KCNQ3: variants seen among roughly 807,000 people sequenced by gnomAD.
KCNQ3 encodes the protein potassium voltage-gated channel subfamily KQT member 3.
A neutral mutation model predicts 92.5 loss-of-function variants in KCNQ3; 30 were observed. That is an observed-to-expected ratio of 0.32 (90% CI 0.24 to 0.44). The LOEUF is 0.44. KCNQ3 is among the 20% of genes least tolerant of loss of function. The pLI is 1.00. For missense variants in KCNQ3, 913 were observed against 1,140.3 expected (o/e 0.80, Z 2.87); for synonymous variants, 450 against 468.8 (o/e 0.96, Z 0.52).
chr8:132,450,619 G>T (rs1821798380), intron 1 of KCNQ3, among the ~76,000 whole-genome samples: 1 of 152,192 alleles, frequency 6.6e-6, no homozygotes, highest in Admixed American at 6.5e-5. Context: ...AATGGTTTCT[G>T]AAGATGAAGT....
rs117729064 is a variant in KCNQ3 at position 132,365,127 on chromosome 8, T to C, written c.386+115020A>G. 6.4e-3 allele frequency among the ~76,000 whole-genome samples: 978 copies of C among 152,332 alleles called. 10 individuals are homozygous for C. Among genetic ancestry groups the C allele is most frequent in the Middle Eastern group, 0.02 (6 of 294 alleles). ...GTTTATTCAATTTCACACCATTTAA[T>C]ATTCATTCCTTTTTACACCCAGAGT... is the stretch of plus-strand genomic sequence containing the variant. On this transcript the variant is annotated intron_variant, in intron 1 of 14. Coordinates refer to ENST00000388996, the MANE Select transcript of KCNQ3 (RefSeq NM_004519.4).
At chr8:132,175,715 C>CTG in intron 4 of KCNQ3, 107 bp from the exon 5 acceptor site, 1 of 1,057,486 alleles carries the variant, frequency 9.5e-7, no homozygotes, top group East Asian at 2.6e-5. Context: ...AGCTCTGTGA[C>CTG]TGTGGTCAAA....
intron 1 of KCNQ3, among the ~76,000 whole-genome samples, chr8:132,432,177 A>G (rs981223415): frequency 2.6e-5 from 4 of 152,172 alleles, no homozygotes; most frequent in Non-Finnish European, 5.9e-5. Context: ...ACTTGTCATC[A>G]TATCAGCAGC....
chr8:132,458,911 C>G (rs535645545), intron 1 of KCNQ3, among the ~76,000 whole-genome samples: 1 of 152,176 alleles, frequency 6.6e-6, no homozygotes, highest in East Asian at 1.9e-4. Flanking sequence ...AACTAAAGTC[C>G]ATACTTTATT....
At chr8:132,296,147 C>T (rs1464214163) in intron 1 of KCNQ3, among the ~76,000 whole-genome samples, 1 of 152,120 alleles carries the variant, frequency 6.6e-6, no homozygotes, top group Non-Finnish European at 1.5e-5. Flanking sequence ...ATTTGAATGC[C>T]ACATGTGGCC....
At chr8:132,149,214 A>G (rs2130957753) in intron 9 of KCNQ3, among the ~76,000 whole-genome samples, 1 of 152,338 alleles carries the variant, frequency 6.6e-6, no homozygotes, top group African/African-American at 2.4e-5. Context: ...GGTCCCAGGG[A>G]ATCTCTAACA....
chr8:132,357,352 T>C (rs540622523), intron 1 of KCNQ3, among the ~76,000 whole-genome samples: 33 of 152,328 alleles, frequency 2.2e-4, no homozygotes, highest in African/African-American at 7.5e-4. Context: ...GGGTGTGCTG[T>C]GGAGAACAGG....
intron 1 of KCNQ3, among the ~76,000 whole-genome samples, chr8:132,333,769 TG>T (rs1201420331): frequency 6.6e-6 from 1 of 151,824 alleles, no homozygotes; most frequent in African/African-American, 2.4e-5. Context: ...AGTCTTGCTC[TG>T]TCACCAAGGC....
Position 132,175,472 on chromosome 8 carries a change from T to C in KCNQ3, c.914A>G (p.Asp305Gly), listed in dbSNP as rs118192248. ...ACTCACCAGGCCCCACCACAGGGCATCTGCATAGGTCTCAAACTCCTCTTT... is the reference window on the plus strand; with the variant it reads ...ACTCACCAGGCCCCACCACAGGGCACCTGCATAGGTCTCAAACTCCTCTTT... Reference protein sequence around the residue: ...EMKEEFETYADALWWGLITLA... With the variant: ...EMKEEFETYAGALWWGLITLA... The change falls in exon 5 of 15, where the codon GAT becomes GGT. Residue 305 changes from aspartate (D) to glycine (G), a missense_variant. Coordinates refer to ENST00000388996, the MANE Select transcript of KCNQ3 (RefSeq NM_004519.4). The C allele has an allele frequency of 6.2e-7, 1 of 1,614,068 alleles. No homozygotes were observed. The highest frequency in any genetic ancestry group is 1.3e-5 in the African/African-American group (1 of 74,936).
At chr8:132,269,213 T>G (rs188984560) in intron 1 of KCNQ3, among the ~76,000 whole-genome samples, 3,829 of 152,350 alleles carry the variant, frequency 0.025, 55 homozygotes, top group Non-Finnish European at 0.032. Flanking sequence ...TGTTTCATTT[T>G]AATGAAGTCC....
chr8:132,352,562 A>C lies in KCNQ3; in HGVS notation c.386+127585T>G, dbSNP rs1386208549. On this transcript the variant is annotated intron_variant, in intron 1 of 14. Transcript: ENST00000388996. ...AGAGGTTGCCTGTGGGCACCCTGGC[A>C]CCACAGTGCTTGCAGGGAGGTGTTC... 2.0e-5 allele frequency among the ~76,000 whole-genome samples: 3 copies of C among 152,192 alleles called. No homozygotes were observed. The East Asian group carries it at 5.8e-4, about 29-fold the overall frequency.
chr8:132,158,337 C>G (rs913478168), intron 9 of KCNQ3, among the ~76,000 whole-genome samples: 4 of 152,182 alleles, frequency 2.6e-5, no homozygotes, highest in Non-Finnish European at 4.4e-5. Context: ...TTGTTCATGA[C>G]TCTGTGAGAT....
At chr8:132,319,125 G>A (rs1185565503) in intron 1 of KCNQ3, among the ~76,000 whole-genome samples, 1 of 152,232 alleles carries the variant, frequency 6.6e-6, no homozygotes, top group East Asian at 1.9e-4. Flanking sequence ...CTGGGGGAAA[G>A]GAGGGCATGT....
chr8:132,173,233 C>T (rs539391577), intron 6 of KCNQ3, among the ~76,000 whole-genome samples: 2 of 152,312 alleles, frequency 1.3e-5, no homozygotes, highest in South Asian at 4.1e-4. Flanking sequence ...GCCAGAAACA[C>T]ACACTTTCCA....
chr8:132,306,447 C>A (rs750904925), intron 1 of KCNQ3, among the ~76,000 whole-genome samples: 1 of 152,176 alleles, frequency 6.6e-6, no homozygotes, highest in African/African-American at 2.4e-5. Flanking sequence ...ATGCCAATGT[C>A]CTGAAACCCA....
At chr8:132,247,387 C>T (rs569543722) in intron 1 of KCNQ3, among the ~76,000 whole-genome samples, 1 of 152,260 alleles carries the variant, frequency 6.6e-6, no homozygotes, top group African/African-American at 2.4e-5. Context: ...AGTCCAAGTC[C>T]TGATTGAATC....
intron 1 of KCNQ3, among the ~76,000 whole-genome samples, chr8:132,233,424 C>T (rs1814703838): frequency 6.6e-6 from 1 of 152,164 alleles, no homozygotes; most frequent in South Asian, 2.1e-4. Flanking sequence ...CCAAGTTGAC[C>T]TAATAGTTGC....
At chr8:132,139,892 C>G (rs528844260) in intron 11 of KCNQ3, among the ~76,000 whole-genome samples, 184 bp downstream of exon 11, 3 of 152,264 alleles carry the variant, frequency 2.0e-5, no homozygotes, top group African/African-American at 7.2e-5. Context: ...TTGCTAACGT[C>G]TGGATCATTT....
At chr8:132,273,360 A>G (rs1816221224) in intron 1 of KCNQ3, among the ~76,000 whole-genome samples, 1 of 152,220 alleles carries the variant, frequency 6.6e-6, no homozygotes, top group African/African-American at 2.4e-5. Flanking sequence ...TCTGAGCTGT[A>G]CCTTGGCCCC....
Sources: gnomAD v4.1 joint callset for allele counts (sites outside exome capture counted in the v4.1 genomes callset) on GRCh38, gnomAD v4.1.1 for gene constraint, MANE v1.5 for transcripts, NCBI Gene and HGNC (gene_info 2026-07-23, HGNC 2026-07-21) for gene names.